The following OSBPL5 variants were observed in gnomAD, a reference collection of about 807,000 sequenced individuals.
OSBPL5 encodes oxysterol-binding protein-related protein 5.
A neutral mutation model predicts 111.2 loss-of-function variants in OSBPL5; 71 were observed. That is an observed-to-expected ratio of 0.64 (90% CI 0.53 to 0.78). OSBPL5 has a LOEUF of 0.78. Among genes scored for constraint, OSBPL5 ranks in the 30% least tolerant of loss-of-function variants. OSBPL5 has a pLI of 0.00. For missense variants in OSBPL5, 1,210 were observed against 1,189.3 expected (o/e 1.02, Z -0.26); for synonymous variants, 549 against 513.9 (o/e 1.07, Z -0.93).
intron 6 of OSBPL5, 127 bp downstream of exon 6, chr11:3,120,294 G>T: frequency 8.5e-7 from 1 of 1,172,374 alleles, no homozygotes. Flanking sequence ...CTCAGAGAAG[G>T]TGAGACACCT....
chr11:3,134,247 A>G (rs1845890695), intron 1 of OSBPL5, among the ~76,000 whole-genome samples: 1 of 152,216 alleles, frequency 6.6e-6, no homozygotes, highest in South Asian at 2.1e-4. Flanking sequence ...CAGGACAGGA[A>G]GGGCCTCCTG....
chr11:3,100,706 T>C (rs1857423846), intron 13 of OSBPL5, among the ~76,000 whole-genome samples: 1 of 151,916 alleles, frequency 6.6e-6, no homozygotes, highest in Admixed American at 6.6e-5. Context: ...CTCCCAGACT[T>C]CCACACACCC....
intron 1 of OSBPL5, among the ~76,000 whole-genome samples, chr11:3,151,579 G>A (rs1385573267): frequency 6.6e-6 from 1 of 152,208 alleles, no homozygotes; most frequent in East Asian, 1.9e-4. Context: ...CCCATGAAAA[G>A]CCAAGGGGTT....
intron 1 of OSBPL5, among the ~76,000 whole-genome samples, chr11:3,129,720 C>G (rs981511729): frequency 6.6e-6 from 1 of 152,224 alleles, no homozygotes; most frequent in African/African-American, 2.4e-5. Context: ...TGGTTAAGCC[C>G]GCCTGAAGCT....
intron 1 of OSBPL5, among the ~76,000 whole-genome samples, chr11:3,155,958 T>A (rs1846746226): frequency 2.0e-5 from 3 of 152,210 alleles, no homozygotes; most frequent in Admixed American, 6.5e-5. Context: ...TGTTTCTGGT[T>A]TTAATTAACA....
Position 3,141,037 on chromosome 11 carries a change from G to T in OSBPL5, c.-21-11868C>A, listed in dbSNP as rs1265890691. Among the ~76,000 whole-genome samples the T allele has an allele frequency of 1.3e-5, 2 of 152,156 alleles. No homozygotes were observed. The highest frequency in any genetic ancestry group is 2.9e-5 in the Non-Finnish European group (2 of 68,016). On this transcript the variant is annotated intron_variant, in intron 1 of 21. Transcript: ENST00000263650. The surrounding 1 kb of genome is among the most constrained non-coding windows in gnomAD (Gnocchi z 6.5). ...GGTAGGACCCTGGGGGCACCAACTTGGGTGGGGGTCAGCCCAATGCCTTGT... is the reference window on the plus strand; with the variant it reads ...GGTAGGACCCTGGGGGCACCAACTTTGGTGGGGGTCAGCCCAATGCCTTGT...
intron 7 of OSBPL5, among the ~76,000 whole-genome samples, chr11:3,119,222 G>A (rs750936627): frequency 6.6e-6 from 1 of 151,600 alleles, no homozygotes; most frequent in African/African-American, 2.4e-5. Flanking sequence ...TGTTGGCCAG[G>A]CTGGTCCTGA....
At chr11:3,101,932 TGG>T (rs1857473567) in intron 12 of OSBPL5, among the ~76,000 whole-genome samples, 2 of 152,268 alleles carry the variant, frequency 1.3e-5, no homozygotes, top group South Asian at 4.1e-4. Context: ...CATCGGGAGA[TGG>T]GACACACTGT....
intron 1 of OSBPL5, among the ~76,000 whole-genome samples, chr11:3,147,006 C>T (rs955815395): frequency 6.6e-6 from 1 of 152,214 alleles, no homozygotes; most frequent in African/African-American, 2.4e-5. Flanking sequence ...ACAGCCCGCA[C>T]CTTGTTAGCT....
intron 1 of OSBPL5, among the ~76,000 whole-genome samples, chr11:3,155,826 G>A (rs535988597): frequency 8.7e-4 from 132 of 152,384 alleles, no homozygotes; most frequent in Non-Finnish European, 1.6e-3. Flanking sequence ...CCCGTCTTTG[G>A]CAAGGCCACA....
intron 5 of OSBPL5, 136 bp from the exon 6 acceptor site, chr11:3,120,760 A>C: frequency 2.3e-6 from 2 of 864,576 alleles, no homozygotes; most frequent in Non-Finnish European, 3.6e-6. Flanking sequence ...ACTCCCCCAC[A>C]CCAGTTCGGA....
chr11:3,099,967 A>C (rs1707675714), intron 14 of OSBPL5, among the ~76,000 whole-genome samples, 191 bp downstream of exon 14: 1 of 150,982 alleles, frequency 6.6e-6, no homozygotes, highest in African/African-American at 2.4e-5. Flanking sequence ...ACTTGGAGCC[A>C]AGATCACGCC....
rs187679747 is a variant in OSBPL5 at position 3,114,825 on chromosome 11, T to A, written c.691+4722A>T. Among the ~76,000 whole-genome samples the A allele has an allele frequency of 4.7e-3, 715 of 152,074 alleles. 9 individuals carry two copies. Among genetic ancestry groups the A allele is most frequent in the African/African-American group, 0.016 (683 of 41,490 alleles). On this transcript the variant is annotated intron_variant, in intron 7 of 21. Transcript: ENST00000263650. Reference sequence around the variant, plus strand: ...ACCATGTTAGCCAGGATGGTCTTGATCTCCTGACTTCGTGATCCTCCTGCC... The same window carrying A: ...ACCATGTTAGCCAGGATGGTCTTGAACTCCTGACTTCGTGATCCTCCTGCC...
chr11:3,108,490 G>A (rs1046663808), intron 7 of OSBPL5, among the ~76,000 whole-genome samples: 16 of 152,308 alleles, frequency 1.1e-4, no homozygotes, highest in African/African-American at 3.8e-4. Flanking sequence ...AGGCTGAGGA[G>A]GGGCTTGCAC....
chr11:3,122,227 T>A, intron 4 of OSBPL5, 121 bp downstream of exon 4: 2 of 1,324,702 alleles, frequency 1.5e-6, no homozygotes, highest in East Asian at 5.0e-5. Flanking sequence ...GTAGGGGGTG[T>A]GGAGGCGACC....
At chr11:3,090,514 C>A in intron 20 of OSBPL5, 44 bp downstream of exon 20, 2 of 1,592,198 alleles carry the variant, frequency 1.3e-6, no homozygotes, top group South Asian at 1.1e-5. Flanking sequence ...ATCTGAGGCA[C>A]CCCACCAGAC....
intron 1 of OSBPL5, among the ~76,000 whole-genome samples, chr11:3,147,809 A>G (rs1846411381): frequency 6.6e-6 from 1 of 152,134 alleles, no homozygotes; most frequent in Non-Finnish European, 1.5e-5. Flanking sequence ...CTGGGGAGGA[A>G]CAGGACCAGC....
In OSBPL5 at chr11:3,124,080, T is replaced by C. The variant is rs113452126; in HGVS notation, c.220-1652A>G. 3.3e-3 allele frequency among the ~76,000 whole-genome samples: 495 copies of C among 152,280 alleles called. 2 individuals are homozygous for C. The highest frequency in any genetic ancestry group is 0.011 in the African/African-American group (469 of 41,552). ...GCGCTGCGGTTCTGCGTTCTGTGCA[T>C]GGATGTAAGCACGTTAGATCCCACA... On this transcript the variant is annotated intron_variant, in intron 3 of 21. Transcript: ENST00000263650.
chr11:3,090,653 GGCTGGTCGCTGGCCTTGCGAAGCC>G lies in OSBPL5; in HGVS notation c.2279_2302del (p.Arg760_Gln767del), dbSNP rs1440596000. On this transcript the variant is annotated inframe_deletion, in exon 20 of 22. Transcript: ENST00000263650. ...CTCCGTGGCCTGGCTGTGGCCGGAG[GGCTGGTCGCTGGCCTTGCGAAGCC>G]GCTGGTCTGGGCCAGACCTCTGCAG... is the stretch of plus-strand genomic sequence containing the variant. The G allele has an allele frequency of 1.2e-6, 2 of 1,612,552 alleles. No individual in the cohort carries two copies. The highest frequency in any genetic ancestry group is 1.7e-6 in the Non-Finnish European group (2 of 1,179,874).
Sources: gnomAD v4.1 joint callset for allele counts (sites outside exome capture counted in the v4.1 genomes callset) on GRCh38, gnomAD v4.1.1 for gene constraint, Gnocchi (gnomAD v3.1) non-coding constraint, MANE v1.5 for transcripts, NCBI Gene and HGNC (gene_info 2026-07-23, HGNC 2026-07-21) for gene names.